The following MUC5AC variants were observed in gnomAD, a reference collection of about 807,000 sequenced individuals.
MUC5AC encodes the protein mucin-5AC.
MUC5AC carries 158 observed loss-of-function variants against 169.7 expected under a neutral mutation model. The observed-to-expected ratio is 0.93, with a 90% confidence interval of 0.82 to 1.06. MUC5AC has a LOEUF of 1.06. MUC5AC is among the 50% of genes least tolerant of loss of function. MUC5AC has a pLI of 0.00. For synonymous variants in MUC5AC, 1,975 were observed against 1,237.0 expected (o/e 1.60, Z -12.52); for missense variants, 4,359 against 3,089.9 (o/e 1.41, Z -9.74).
At position 1,199,472 on chromosome 11, in the gene MUC5AC, C is replaced by T. The variant is rs765139381; in HGVS notation, c.16497C>T (p.Pro5499=). ...TGGTCACCACGAAGAAGGCGTGCCC[C>T]CCGCTCAGCTGTTCTCTGGTGAGGT... The part of the protein sequence containing the change: ...LVVVTTKKAC[P]PLSCSLDEAR... Residue 5499 remains proline (P), a synonymous_variant, in exon 46 of 49, where the codon CCC becomes CCT. Coordinates refer to ENST00000621226, the MANE Select transcript of MUC5AC (RefSeq NM_001304359.2). The T allele has an allele frequency of 1.4e-6, 1 of 718,450 alleles. No homozygotes were observed. The highest frequency in any genetic ancestry group is 2.5e-6 in the Non-Finnish European group (1 of 393,906). 44.5% of individuals were successfully genotyped at this position (718,450 alleles called of 1,614,324 possible). A position where few individuals can be genotyped will look rare whatever the true frequency, so the allele number is the denominator to read the frequency against.
Position 1,189,517 on chromosome 11 carries a change from C to A in MUC5AC, c.11372C>A (p.Thr3791Lys). 1 of 597,878 alleles carries A rather than the reference C, an allele frequency of 1.7e-6. No individual in the cohort carries two copies. Among genetic ancestry groups the A allele is most frequent in the Non-Finnish European group, 3.0e-6 (1 of 336,564 alleles). The allele number at this position is 597,878 out of a possible 1,614,324, so 37.0% of individuals were successfully genotyped here. A position where few individuals can be genotyped will look rare whatever the true frequency, so the allele number is the denominator to read the frequency against. The change falls in exon 31 of 49, where the codon ACA (threonine) becomes AAA (lysine). Residue 3791 changes from threonine to lysine, a missense_variant. By Grantham distance (78) the Thr-to-Lys change is moderately conservative. Coordinates refer to ENST00000621226, the MANE Select transcript of MUC5AC (RefSeq NM_001304359.2). ...TSTTSAPITS[T>K]ISAPTTSTTS... ...ACTACCTCTGCTCCCATAACCAGCA[C>A]AATCTCTGCCCCTACAACCAGCACA... is the stretch of plus-strand genomic sequence containing the variant.
chr11:1,190,013 G>C lies in MUC5AC; in HGVS notation c.11868G>C (p.Arg3956=). 1 of 765,112 alleles carries C rather than the reference G, an allele frequency of 1.3e-6. No individual in the cohort carries two copies. The highest frequency in any genetic ancestry group is 2.4e-5 in the East Asian group (1 of 41,254). The allele number at this position is 765,112 out of a possible 1,614,324, so 47.4% of individuals were successfully genotyped here. A position where few individuals can be genotyped will look rare whatever the true frequency, so the allele number is the denominator to read the frequency against. The change falls in exon 31 of 49, where the codon CGG becomes CGC. Residue 3956 remains arginine, a synonymous_variant. Transcript: ENST00000621226. The part of the protein sequence containing the change: ...SQPVTRDCHP[R]CTWTKWFDVD... ...CAGTCACCAGAGACTGTCATCCCCG[G>C]TGCACCTGGACCAAGTGGTTTGACG...
rs1045321309 is a variant in MUC5AC at position 1,200,054 on chromosome 11, G to C, written c.16700+85G>C. 30 of 644,182 alleles carry C rather than the reference G, an allele frequency of 4.7e-5. No individual in the cohort carries two copies. In the East Asian group the frequency reaches 8.1e-4, roughly 17 times the overall value. 39.9% of individuals were successfully genotyped at this position (644,182 alleles called of 1,614,324 possible). On this transcript the variant is annotated intron_variant, in intron 48 of 48. Transcript: ENST00000621226. ...CCAGGGCTCTAGGTGCCAGATAGAC[G>C]AGGGGCAGGACCATGAGGGGCCAGG...
At position 1,187,696 on chromosome 11, in the gene MUC5AC, C is replaced by A; in HGVS notation, c.9551C>A (p.Pro3184His). The A allele has an allele frequency of 1.3e-6, 1 of 765,062 alleles. No homozygotes were observed. Among genetic ancestry groups the A allele is most frequent in the African/African-American group, 1.7e-5 (1 of 59,210 alleles). 47.4% of individuals were successfully genotyped at this position (765,062 alleles called of 1,614,324 possible). ...SASTTSTTPG[P>H]GTTPSPVPTT... ...TCTACAACCAGCACAACCCCTGGTC[C>A]TGGAACCACTCCCAGCCCCGTTCCC... The change falls in exon 31 of 49, where the codon CCT (proline) becomes CAT (histidine). Residue 3184 changes from proline to histidine, a missense_variant. Pro to His is a moderately conservative substitution (Grantham distance 77). Coordinates refer to ENST00000621226, the MANE Select transcript of MUC5AC (RefSeq NM_001304359.2).
chr11:1,170,492 CTCACCCACTCACCGACTCAA>C (rs1860476676), intron 15 of MUC5AC, among the ~76,000 whole-genome samples: 1 of 138,778 alleles, frequency 7.2e-6, no homozygotes, highest in East Asian at 2.3e-4. Flanking sequence ...CACCCACTCA[CTCACCCACTCACCGACTCAA>C]CCATTCACTC....
In MUC5AC at chr11:1,188,596, C is replaced by G; in HGVS notation, c.10451C>G (p.Thr3484Ser). ...ATSSTTSGSG[T>S]TPSPVTTTST... ...AGCAGCACAACCTCCGGTTCTGGAA[C>G]TACTCCCAGCCCTGTTACCACCACC... Residue 3484 changes from threonine to serine, a missense_variant, in exon 31 of 49, where the codon ACT becomes AGT. Transcript: ENST00000621226. 1 of 764,892 alleles carries G rather than the reference C, an allele frequency of 1.3e-6. No individual in the cohort carries two copies. Among genetic ancestry groups the G allele is most frequent in the Non-Finnish European group, 2.4e-6 (1 of 417,736 alleles). 47.4% of individuals were successfully genotyped at this position (764,892 alleles called of 1,614,324 possible). A position where few individuals can be genotyped will look rare whatever the true frequency, so the allele number is the denominator to read the frequency against.
intron 42 of MUC5AC, 66 bp downstream of exon 42, chr11:1,198,070 G>T: frequency 1.6e-6 from 1 of 637,230 alleles, no homozygotes; most frequent in Non-Finnish European, 2.9e-6. Flanking sequence ...GATTTTGGGG[G>T]GCCATAACCA....
intron 43 of MUC5AC, 144 bp downstream of exon 43, chr11:1,198,449 T>A: frequency 1.5e-6 from 1 of 657,272 alleles, no homozygotes. Flanking sequence ...CACTATCAAG[T>A]GTGGCTGAGG....
chr11:1,185,301 A>G lies in MUC5AC; in HGVS notation c.7156A>G (p.Thr2386Ala). Residue 2386 changes from threonine (T) to alanine (A), a missense_variant, in exon 31 of 49, where the codon ACC becomes GCC. Thr to Ala is a moderately conservative substitution (Grantham distance 58, BLOSUM62 0). Transcript: ENST00000621226. ...AAGCAGCACAACCTCTGCCACTACC[A>G]CCAGCAGAATCTCTGGTCCTGAAAC... ...RTSSTTSATT[T>A]SRISGPETTP... The G allele has an allele frequency of 3.0e-6, 2 of 671,212 alleles. No homozygotes were observed. The highest frequency in any genetic ancestry group is 5.4e-6 in the Non-Finnish European group (2 of 369,060). The allele number at this position is 671,212 out of a possible 1,614,324, so 41.6% of individuals were successfully genotyped here.
At chr11:1,177,745 A>G (rs1860721705) in intron 24 of MUC5AC, 112 bp downstream of exon 24, 3 of 350,742 alleles carry the variant, frequency 8.6e-6, no homozygotes, top group Non-Finnish European at 1.5e-5. Flanking sequence ...AAACACAGAG[A>G]TGGAAGCGGG....
chr11:1,169,248 A>G (rs1273192476), intron 15 of MUC5AC: 1 of 860,120 alleles, frequency 1.2e-6, no homozygotes, highest in Non-Finnish European at 1.4e-6. Flanking sequence ...GAAAGGGTAC[A>G]AGTCTCTGTT....
At chr11:1,165,469 C>G (rs766878071) in intron 10 of MUC5AC, 50 bp downstream of exon 10, 3 of 1,594,668 alleles carry the variant, frequency 1.9e-6, no homozygotes, top group Non-Finnish European at 2.6e-6. Context: ...ATGGGACAGA[C>G]CTGCTGGGGG....
At chr11:1,179,852 G>A (rs1860773320) in intron 26 of MUC5AC, among the ~76,000 whole-genome samples, 170 bp from the exon 27 acceptor site, 3 of 152,150 alleles carry the variant, frequency 2.0e-5, no homozygotes, top group Non-Finnish European at 2.9e-5. Context: ...GGCAGCCTCC[G>A]TGGCACCCTG....
intron 15 of MUC5AC, among the ~76,000 whole-genome samples, chr11:1,171,942 T>TTCAC (rs1161859817): frequency 0.061 from 5,243 of 85,686 alleles, 120 homozygotes; most frequent in African/African-American, 0.12. Context: ...CATCCACTCA[T>TTCAC]TCACTCACTC....
intron 37 of MUC5AC, 139 bp from the exon 38 acceptor site, chr11:1,196,249 G>C (rs557777971): frequency 1.1e-5 from 7 of 663,904 alleles, no homozygotes; most frequent in African/African-American, 5.3e-5. Context: ...CGGGGCACTG[G>C]GGTGTGGGAG....
At position 1,184,924 on chromosome 11, in the gene MUC5AC, C is replaced by G. The variant is rs1385970026; in HGVS notation, c.6779C>G (p.Thr2260Arg). ...ACAACCACTTTGGTGACAACCAGCA[C>G]AACCTCCACTCCACAGACCAGTACA... ...SRTTTLVTTS[T>R]TSTPQTSTTY... The change falls in exon 31 of 49, where the codon ACA (threonine) becomes AGA (arginine). Residue 2260 changes from threonine (T) to arginine (R), a missense_variant. Physicochemically the swap from Thr to Arg is moderately conservative, Grantham distance 71 (BLOSUM62 -1). Coordinates refer to ENST00000621226, the MANE Select transcript of MUC5AC (RefSeq NM_001304359.2). The G allele has an allele frequency of 1.7e-5, 11 of 632,936 alleles. No homozygotes were observed. Among genetic ancestry groups the G allele is most frequent in the East Asian group, 5.4e-5 (2 of 36,856 alleles). 39.2% of individuals were successfully genotyped at this position (632,936 alleles called of 1,614,324 possible).
In MUC5AC at chr11:1,164,244, ACC is replaced by A; in HGVS notation, c.930_931del (p.Leu311CysfsTer21). On this transcript the variant is annotated frameshift_variant, in exon 8 of 49. Transcript: ENST00000621226. LOFTEE classifies it high-confidence loss of function. ...CGACCTGCTCAGCTGCGTCTGCCACACCCTTGCCGAGTACTCCCGGCAGTGCA... is the reference window on the plus strand; with the variant it reads ...CGACCTGCTCAGCTGCGTCTGCCACACTTGCCGAGTACTCCCGGCAGTGCA... The part of the protein sequence containing the change: ...DTDLLSCVCH[T>X]LAEYSRQCTH... The A allele has an allele frequency of 6.2e-7, 1 of 1,612,552 alleles. No individual in the cohort carries two copies. The highest frequency in any genetic ancestry group is 1.3e-5 in the African/African-American group (1 of 75,016).
rs1190054700 is a variant in MUC5AC at position 1,164,153 on chromosome 11, G to A, written c.837G>A (p.Val279=). ...LLHGQLFSGC[V]ALVDVGSYLE... is the part of the protein sequence containing the mutation. ...ACGGCCAGCTGTTCTCTGGCTGCGT[G>A]GCCCTGGTGGACGTCGGCAGCTACC... The change falls in exon 8 of 49, where the codon GTG becomes GTA. Residue 279 remains valine, a synonymous_variant. Coordinates refer to ENST00000621226, the MANE Select transcript of MUC5AC (RefSeq NM_001304359.2). The A allele has an allele frequency of 1.3e-5, 21 of 1,612,456 alleles. No homozygotes were observed. The highest frequency in any genetic ancestry group is 1.6e-5 in the Non-Finnish European group (19 of 1,179,872).
At position 1,186,349 on chromosome 11, in the gene MUC5AC, C is replaced by A; in HGVS notation, c.8204C>A (p.Ala2735Asp). 2 of 718,400 alleles carry A rather than the reference C, an allele frequency of 2.8e-6. No homozygotes were observed. The highest frequency in any genetic ancestry group is 3.9e-5 in the Admixed American group (2 of 51,420). The allele number at this position is 718,400 out of a possible 1,614,324, so 44.5% of individuals were successfully genotyped here. ...ISAPTTSTTS[A>D]TTTSTTSAPT... ...GCCCCAACAACCAGCACAACCTCTGCCACTACAACCAGCACGACCTCTGCT... is the reference window on the plus strand; with the variant it reads ...GCCCCAACAACCAGCACAACCTCTGACACTACAACCAGCACGACCTCTGCT... Residue 2735 changes from alanine to aspartate, a missense_variant, in exon 31 of 49, where the codon GCC becomes GAC. By Grantham distance (126) the Ala-to-Asp change is moderately radical (BLOSUM62 -2). Coordinates refer to ENST00000621226, the MANE Select transcript of MUC5AC (RefSeq NM_001304359.2).
Sources: gnomAD v4.1 joint callset for allele counts (sites outside exome capture counted in the v4.1 genomes callset) on GRCh38, gnomAD v4.1.1 for gene constraint, MANE v1.5 for transcripts, NCBI Gene and HGNC (gene_info 2026-07-23, HGNC 2026-07-21) for gene names.